The following CFAP263 variants were observed in gnomAD, a reference collection of about 807,000 sequenced individuals.
CFAP263 encodes the protein cilia and flagella associated protein 263.
At chr16:58,262,349 A>T in the CFAP263 span, 1 of 1,574,940 alleles carries the variant, frequency 6.3e-7, no homozygotes, top group Non-Finnish European at 8.7e-7. Context: ...ATCACAACTG[A>T]CGTATCATCT....
the CFAP263 span, chr16:58,279,792 CG>C: frequency 6.3e-7 from 1 of 1,589,120 alleles, no homozygotes; most frequent in South Asian, 1.1e-5. Flanking sequence ...AGGCAGGCCA[CG>C]GCTTACAGAC....
At chr16:58,253,375 T>C in the CFAP263 span, among the ~76,000 whole-genome samples, 5 of 151,754 alleles carry the variant, frequency 3.3e-5, no homozygotes, top group Non-Finnish European at 1.5e-5. Flanking sequence ...AGCAAGACTC[T>C]GTCTCAAAAA....
chr16:58,267,283 C>A, the CFAP263 span, among the ~76,000 whole-genome samples: 88,774 of 151,866 alleles, frequency 0.58, 27,016 homozygotes, highest in African/African-American at 0.75. Flanking sequence ...CCAGCTGAGG[C>A]CAAGACTCCA....
At chr16:58,271,016 G>A in the CFAP263 span, among the ~76,000 whole-genome samples, 1 of 152,022 alleles carries the variant, frequency 6.6e-6, no homozygotes, top group South Asian at 2.1e-4. Context: ...AATTATATAT[G>A]TATTTTTATA....
At chr16:58,249,959 C>T in the CFAP263 span, 3 of 1,234,416 alleles carry the variant, frequency 2.4e-6, no homozygotes, top group Non-Finnish European at 3.5e-6. Context: ...CGCGTGGCCG[C>T]CGGCACCCGG....
At chr16:58,280,039 T>C in the CFAP263 span, 2 of 653,590 alleles carry the variant, frequency 3.1e-6, no homozygotes, top group Non-Finnish European at 5.2e-6. Context: ...ACAAGCATAG[T>C]GAAAGTGACC....
the CFAP263 span, among the ~76,000 whole-genome samples, chr16:58,272,137 CT>C: frequency 6.6e-6 from 1 of 151,794 alleles, no homozygotes; most frequent in African/African-American, 2.4e-5. Context: ...GCCTCAGCCT[CT>C]CCGAGTAGCT....
At chr16:58,254,282 C>A in the CFAP263 span, 1 of 1,001,684 alleles carries the variant, frequency 1.0e-6, no homozygotes, top group Non-Finnish European at 1.5e-6. Flanking sequence ...TAGGATGAAG[C>A]GAATCCAGGG....
At chr16:58,277,250 T>C in the CFAP263 span, among the ~76,000 whole-genome samples, 1 of 152,070 alleles carries the variant, frequency 6.6e-6, no homozygotes, top group Admixed American at 6.6e-5. Context: ...TGCCTCAGCC[T>C]CCCAAGTAGC....
chr16:58,280,505 C>T, the CFAP263 span: 4 of 1,614,146 alleles, frequency 2.5e-6, no homozygotes, highest in Non-Finnish European at 3.4e-6. Context: ...AGTTCAGAAT[C>T]AGAATATGTC....
chr16:58,272,534 C>T, the CFAP263 span, among the ~76,000 whole-genome samples: 1 of 152,098 alleles, frequency 6.6e-6, no homozygotes, highest in African/African-American at 2.4e-5. Context: ...AATTATAATA[C>T]AATGCTAAGT....
At chr16:58,269,293 T>C in the CFAP263 span, among the ~76,000 whole-genome samples, 8 of 151,910 alleles carry the variant, frequency 5.3e-5, no homozygotes, top group African/African-American at 1.9e-4. Flanking sequence ...ATCGTGCCAC[T>C]GCACTCCAGC....
the CFAP263 span, among the ~76,000 whole-genome samples, chr16:58,277,925 G>A: frequency 6.6e-6 from 1 of 152,162 alleles, no homozygotes; most frequent in South Asian, 2.1e-4. Flanking sequence ...GCTGGGAGAG[G>A]AGGGAAGGAG....
chr16:58,281,022 T>C, the CFAP263 span: 6 of 439,032 alleles, frequency 1.4e-5, no homozygotes, highest in Admixed American at 2.3e-4. Flanking sequence ...TTCTTGCCCC[T>C]TTCCAGTCCT....
chr16:58,267,445 T>C, the CFAP263 span: 1 of 1,462,082 alleles, frequency 6.8e-7, no homozygotes, highest in Non-Finnish European at 9.6e-7. Flanking sequence ...AGAGGTCATC[T>C]TAGCTCAAGA....
chr16:58,279,674 C>CTTT, the CFAP263 span: 51 of 1,397,080 alleles, frequency 3.7e-5, no homozygotes, highest in Non-Finnish European at 4.0e-5. Flanking sequence ...TTCTTTTTTT[C>CTTT]TTTTTTTTTT....
At chr16:58,258,050 A>G in the CFAP263 span, among the ~76,000 whole-genome samples, 1 of 150,722 alleles carries the variant, frequency 6.6e-6, no homozygotes, top group African/African-American at 2.4e-5. Flanking sequence ...GGAGGTTGCA[A>G]TGAGGTGAGA....
chr16:58,276,260 A>C, the CFAP263 span, among the ~76,000 whole-genome samples: 3 of 152,228 alleles, frequency 2.0e-5, no homozygotes, highest in East Asian at 5.8e-4. Flanking sequence ...CTTCTCTTAG[A>C]TTGACAAAGA....
chr16:58,276,583 A>G, the CFAP263 span, among the ~76,000 whole-genome samples: 24 of 152,174 alleles, frequency 1.6e-4, no homozygotes, highest in African/African-American at 5.5e-4. Context: ...GCATTGCCAA[A>G]TGTCCCCTTG....
Sources: allele counts gnomAD v4.1 joint callset (sites outside exome capture counted in the v4.1 genomes callset), GRCh38; gene constraint gnomAD v4.1.1; transcripts MANE v1.5; gene names NCBI Gene and HGNC (gene_info 2026-07-23, HGNC 2026-07-21).